Variants in SLIT3 observed in about 807,000 individuals in gnomAD.
SLIT3 encodes the protein slit guidance ligand 3.
A neutral mutation model predicts 184.0 loss-of-function variants in SLIT3; 68 were observed. The ratio of observed to expected loss-of-function variants is 0.37; its 90% CI spans 0.30 to 0.45. The LOEUF is 0.45. Ranked by LOEUF, SLIT3 falls within the 20% of genes least tolerant of loss-of-function variation. SLIT3 has a pLI of 1.00. For missense variants in SLIT3, 1,707 were observed against 2,026.0 expected (o/e 0.84, Z 3.02); for synonymous variants, 831 against 828.6 (o/e 1.00, Z -0.05).
chr5:169,284,951 C>T (rs1264538956), intron 1 of SLIT3, among the ~76,000 whole-genome samples: 2 of 151,984 alleles, frequency 1.3e-5, no homozygotes. Flanking sequence ...CACTCTGTCA[C>T]CCAGGATAGA....
At chr5:169,140,265 C>A (rs1470936569) in intron 4 of SLIT3, among the ~76,000 whole-genome samples, 1 of 142,078 alleles carries the variant, frequency 7.0e-6, no homozygotes, top group Non-Finnish European at 1.5e-5. Context: ...GATTTCGAGA[C>A]CAGCCTGGCC....
chr5:168,759,778 G>A (rs114571604), intron 16 of SLIT3, among the ~76,000 whole-genome samples: 1,562 of 152,226 alleles, frequency 0.01, 31 homozygotes, highest in African/African-American at 0.036. Context: ...TCAGTGAGTC[G>A]GCGAATTCTC....
At chr5:169,211,257 GT>G (rs1764256477) in intron 3 of SLIT3, among the ~76,000 whole-genome samples, 2 of 152,176 alleles carry the variant, frequency 1.3e-5, no homozygotes, top group African/African-American at 2.4e-5. Context: ...GGAAAACTGA[GT>G]AATGCAGAGG....
chr5:168,867,094 T>G (rs1759329894), intron 5 of SLIT3, among the ~76,000 whole-genome samples: 1 of 152,166 alleles, frequency 6.6e-6, no homozygotes, highest in Non-Finnish European at 1.5e-5. Context: ...TGACCAGAAA[T>G]CAGGATTCAG....
chr5:168,733,731 C>T (rs1763351135), intron 20 of SLIT3, among the ~76,000 whole-genome samples: 1 of 150,710 alleles, frequency 6.6e-6, no homozygotes, highest in Non-Finnish European at 1.5e-5. Flanking sequence ...ACCACCATGG[C>T]ACATGTATAC....
At position 168,666,463 on chromosome 5, in the gene SLIT3, C is replaced by T. The variant is rs1438325005; in HGVS notation, c.4563G>A (p.Ala1521=). 17 of 1,568,436 alleles carry T rather than the reference C, an allele frequency of 1.1e-5. No individual in the cohort carries two copies. The highest frequency in any genetic ancestry group is 8.7e-5 in the Admixed American group (5 of 57,564). Residue 1521 remains alanine (A), a synonymous_variant, in exon 36 of 36, where the codon GCG becomes GCA. Transcript: ENST00000519560. ...VERHLECGCL[A]CS ...GCAGGCGGGCAGGGGCTTAGGAACACGCGAGGCAGCCGCACTCTAAGTGTC... is the reference window on the plus strand; with the variant it reads ...GCAGGCGGGCAGGGGCTTAGGAACATGCGAGGCAGCCGCACTCTAAGTGTC...
At chr5:168,779,184 T>C (rs780288744) in intron 12 of SLIT3, among the ~76,000 whole-genome samples, 20 of 152,082 alleles carry the variant, frequency 1.3e-4, no homozygotes, top group Non-Finnish European at 2.8e-4. Context: ...CCACAACCCG[T>C]AAGAGGTAGG....
intron 23 of SLIT3, among the ~76,000 whole-genome samples, chr5:168,721,605 A>C (rs1172545177): frequency 6.6e-6 from 1 of 152,212 alleles, no homozygotes; most frequent in African/African-American, 2.4e-5. Context: ...CCATGCAGGA[A>C]TGCAGGGGTA....
At chr5:169,056,300 G>T (rs1201090593) in intron 4 of SLIT3, among the ~76,000 whole-genome samples, 1 of 152,130 alleles carries the variant, frequency 6.6e-6, no homozygotes, top group Non-Finnish European at 1.5e-5. Context: ...ATTCTTGGCT[G>T]GGCAGGTTTC....
chr5:168,672,108 C>CCTG (rs1761270978), intron 33 of SLIT3, among the ~76,000 whole-genome samples: 1 of 152,198 alleles, frequency 6.6e-6, no homozygotes, highest in Non-Finnish European at 1.5e-5. Context: ...TACACCATTC[C>CCTG]CTGCCCACCT....
chr5:168,821,034 C>T (rs1170726467), intron 7 of SLIT3, among the ~76,000 whole-genome samples: 1 of 152,140 alleles, frequency 6.6e-6, no homozygotes, highest in Non-Finnish European at 1.5e-5. Flanking sequence ...TGTACAGAGC[C>T]ATCTCTGAAA....
In SLIT3 at chr5:168,665,845, C is replaced by CA; in HGVS notation, c.*608dup. 6.6e-6 allele frequency: 1 copy of CA among 152,292 alleles called. No homozygotes were observed. The allele number at this position is 152,292 out of a possible 1,614,324, so 9.4% of individuals were successfully genotyped here. ...CAGTGAGACTGAGAAGGCCAGGGCT[C>CA]AGCAGCTTTTCCTGGAAGAACTGGG... On this transcript the variant is annotated 3_prime_UTR_variant, in exon 36 of 36. Coordinates refer to ENST00000519560, the MANE Select transcript of SLIT3 (RefSeq NM_003062.4).
At chr5:169,046,245 G>T (rs1757618595) in intron 4 of SLIT3, among the ~76,000 whole-genome samples, 1 of 152,138 alleles carries the variant, frequency 6.6e-6, no homozygotes, top group African/African-American at 2.4e-5. Flanking sequence ...GTAGGGTCTG[G>T]CAGTGAAACA....
intron 4 of SLIT3, among the ~76,000 whole-genome samples, chr5:168,904,995 C>T (rs922338963): frequency 1.6e-4 from 25 of 152,132 alleles, no homozygotes; most frequent in African/African-American, 6.0e-4. Context: ...AGTAAAACCC[C>T]ATCTCTACTA....
chr5:168,855,874 C>A (rs1758845746), intron 5 of SLIT3, among the ~76,000 whole-genome samples: 1 of 152,034 alleles, frequency 6.6e-6, no homozygotes. Flanking sequence ...TTTGGGAGGC[C>A]AAGGCGGGCG....
chr5:168,905,534 T>C (rs1462813352), intron 4 of SLIT3, among the ~76,000 whole-genome samples: 1 of 152,236 alleles, frequency 6.6e-6, no homozygotes, highest in African/African-American at 2.4e-5. Flanking sequence ...GAGTCATGGT[T>C]CAGGTCTGTA....
chr5:168,830,537 A>G (rs183189817), intron 6 of SLIT3, among the ~76,000 whole-genome samples: 2 of 152,350 alleles, frequency 1.3e-5, no homozygotes, highest in Non-Finnish European at 2.9e-5. Flanking sequence ...GAAGCTTGCC[A>G]AAATCTTCCA....
chr5:168,913,421 A>G (rs1346257351), intron 4 of SLIT3, among the ~76,000 whole-genome samples: 1 of 152,228 alleles, frequency 6.6e-6, no homozygotes, highest in African/African-American at 2.4e-5. Flanking sequence ...GATTTATTCA[A>G]ACACTCAAAC....
Position 169,301,133 on chromosome 5 carries a change from A to G in SLIT3, c.-424T>C, listed in dbSNP as rs1163860918. On this transcript the variant is annotated 5_prime_UTR_variant, in exon 1 of 36. An upstream start codon of the reference 5' UTR is lost. Coordinates refer to ENST00000519560, the MANE Select transcript of SLIT3 (RefSeq NM_003062.4). ...GAGCTGGCCGGCGCTCGCTCTCTCC[A>G]TTCAGTGAGCACGGCAGACACCGGA... is the stretch of plus-strand genomic sequence containing the variant. The G allele has an allele frequency of 6.6e-6, 1 of 152,402 alleles. No individual in the cohort carries two copies. The highest frequency in any genetic ancestry group is 2.4e-5 in the African/African-American group (1 of 41,356). The allele number at this position is 152,402 out of a possible 1,614,324, so 9.4% of individuals were successfully genotyped here.
Sources: allele counts gnomAD v4.1 joint callset (sites outside exome capture counted in the v4.1 genomes callset), GRCh38; gene constraint gnomAD v4.1.1; transcripts MANE v1.5; gene names NCBI Gene and HGNC (gene_info 2026-07-23, HGNC 2026-07-21).